Variants in CDC42EP3 observed in about 807,000 individuals in gnomAD.
CDC42EP3 encodes the protein CDC42 effector protein (Rho GTPase binding) 3.
A neutral mutation model predicts 15.5 loss-of-function variants in CDC42EP3; 4 were observed. The ratio of observed to expected loss-of-function variants is 0.26; its 90% CI spans 0.13 to 0.59. The LOEUF is 0.59. Among genes scored for constraint, CDC42EP3 ranks in the 20% least tolerant of loss-of-function variants. The pLI, the probability that CDC42EP3 is intolerant of heterozygous loss-of-function variation, is 0.89. For synonymous variants in CDC42EP3, 145 were observed against 130.3 expected, an observed-to-expected ratio of 1.11 and a Z score of -0.77; for missense variants, 309 against 311.2, an observed-to-expected ratio of 0.99 and a Z score of 0.05.
chr2:37,648,583 G>C (rs6752762), intron 1 of CDC42EP3, among the ~76,000 whole-genome samples: 1 of 151,998 alleles, frequency 6.6e-6, no homozygotes, highest in East Asian at 1.9e-4. Flanking sequence ...AGCCCCACTC[G>C]GGCTTTGGGT....
At chr2:37,665,051 C>T (rs1049528604) in intron 1 of CDC42EP3, among the ~76,000 whole-genome samples, 3 of 151,954 alleles carry the variant, frequency 2.0e-5, no homozygotes, top group African/African-American at 2.4e-5. Context: ...CATGTAGCCC[C>T]GGACCTAAAA....
chr2:37,649,282 C>A (rs111712471), intron 1 of CDC42EP3, among the ~76,000 whole-genome samples: 328 of 151,546 alleles, frequency 2.2e-3, no homozygotes, highest in African/African-American at 7.6e-3. Context: ...GGGACCTCAT[C>A]TCTACAAAAA....
chr2:37,658,973 G>A (rs1388076836), intron 1 of CDC42EP3, among the ~76,000 whole-genome samples: 1 of 152,170 alleles, frequency 6.6e-6, no homozygotes, highest in Non-Finnish European at 1.5e-5. Context: ...AGATAAAATA[G>A]CTTGTGAAGC....
intron 1 of CDC42EP3, among the ~76,000 whole-genome samples, chr2:37,666,215 G>T (rs1331989442): frequency 6.6e-6 from 1 of 152,134 alleles, no homozygotes; most frequent in Non-Finnish European, 1.5e-5. Flanking sequence ...TGTGTTTCCT[G>T]CCAGGCTGGT....
At chr2:37,661,714 C>G (rs767076823) in intron 1 of CDC42EP3, among the ~76,000 whole-genome samples, 1 of 152,076 alleles carries the variant, frequency 6.6e-6, no homozygotes, top group African/African-American at 2.4e-5. Flanking sequence ...AGCCATCTGA[C>G]GGACTCTGGA....
In CDC42EP3 at chr2:37,645,796, C is replaced by A. The variant is rs1473599734; in HGVS notation, c.*27G>T. ...GGTTAGTTTGTTTTTGTACCTTTTA[C>A]CCCAAAGGAAAAAAGTTGGCATCTT... On this transcript the variant is annotated 3_prime_UTR_variant, in exon 2 of 2. Transcript: ENST00000295324. 2.0e-6 allele frequency: 3 copies of A among 1,506,936 alleles called. No homozygotes were observed. The highest frequency in any genetic ancestry group is 4.7e-5 in the Admixed American group (2 of 42,568). 93.3% of individuals were successfully genotyped at this position (1,506,936 alleles called of 1,614,324 possible).
chr2:37,669,365 ACAC>A (rs1177413866), intron 1 of CDC42EP3, among the ~76,000 whole-genome samples: 1 of 152,202 alleles, frequency 6.6e-6, no homozygotes, highest in Non-Finnish European at 1.5e-5. Flanking sequence ...ATAAAACAAA[ACAC>A]CACATTAAAG....
intron 1 of CDC42EP3, among the ~76,000 whole-genome samples, chr2:37,661,406 G>A (rs1172399852): frequency 6.6e-6 from 1 of 152,134 alleles, no homozygotes; most frequent in East Asian, 1.9e-4. Context: ...TAGGGCAAGT[G>A]ACTTGGAAGA....
In CDC42EP3 at chr2:37,646,117, G is replaced by A. The variant is rs150534472; in HGVS notation, c.471C>T (p.Ser157=). Residue 157 remains serine, a synonymous_variant, in exon 2 of 2, where the codon AGC becomes AGT. Coordinates refer to ENST00000295324, the MANE Select transcript of CDC42EP3 (RefSeq NM_006449.5). ...PVMEEKAQEK[S]SLLENGTVHQ... ...GGACTGTCCCATTCTCCAACAGACT[G>A]CTTTTCTCCTGAGCTTTTTCCTCCA... 7 of 1,614,108 alleles carry A rather than the reference G, an allele frequency of 4.3e-6. No individual in the cohort carries two copies. In the African/African-American group the frequency reaches 6.7e-5, roughly 15 times the overall value.
At chr2:37,672,867 C>T (rs1274490793), upstream of CDC42EP3, among the ~76,000 whole-genome samples, 1 of 152,212 alleles carries the variant, frequency 6.6e-6, no homozygotes, top group Admixed American at 6.5e-5. Context: ...AGGTCATCAC[C>T]GCGGTGCCCT....
At chr2:37,662,817 A>G (rs1166177993) in intron 1 of CDC42EP3, among the ~76,000 whole-genome samples, 1 of 152,248 alleles carries the variant, frequency 6.6e-6, no homozygotes, top group Non-Finnish European at 1.5e-5. Context: ...TGCGACATGC[A>G]CAGAGTGAGC....
Position 37,645,765 on chromosome 2 carries a change from A to G in CDC42EP3, c.*58T>C. ...TACAGCTCCGGAAGCCCTTCTCTTC[A>G]ACTGTGGTTAGTTTGTTTTTGTACC... On this transcript the variant is annotated 3_prime_UTR_variant, in exon 2 of 2. Coordinates refer to ENST00000295324, the MANE Select transcript of CDC42EP3 (RefSeq NM_006449.5). The G allele has an allele frequency of 1.5e-6, 2 of 1,363,210 alleles. No individual in the cohort carries two copies. The highest frequency in any genetic ancestry group is 2.0e-6 in the Non-Finnish European group (2 of 1,009,806). 84.4% of individuals were successfully genotyped at this position (1,363,210 alleles called of 1,614,324 possible).
chr2:37,672,585 G>A (rs527801581), upstream of CDC42EP3: 1 of 152,332 alleles, frequency 6.6e-6, no homozygotes, highest in South Asian at 2.1e-4. Flanking sequence ...GCGTGAACCG[G>A]GTTAATGAAT....
chr2:37,669,076 A>G (rs1666327123), intron 1 of CDC42EP3, among the ~76,000 whole-genome samples: 1 of 152,198 alleles, frequency 6.6e-6, no homozygotes, highest in South Asian at 2.1e-4. Context: ...CCTAGATAAA[A>G]TCTGACTGAA....
At chr2:37,647,276 A>C (rs1292640557) in intron 1 of CDC42EP3, 1 of 152,270 alleles carries the variant, frequency 6.6e-6, no homozygotes, top group Non-Finnish European at 1.5e-5. Flanking sequence ...AAGGTGCTGG[A>C]ATTATTTAAT....
In CDC42EP3 at chr2:37,669,346, A is replaced by G. The variant is rs1572530410; in HGVS notation, c.-236+2080T>C. Among the ~76,000 whole-genome samples the G allele has an allele frequency of 3.9e-5, 6 of 152,226 alleles. 1 individual carries two copies. ...TGAAAAAAGCACAGCTTTTGTGAGC[A>G]TGTTGGACATAAAACAAAACACCAC... On this transcript the variant is annotated intron_variant, in intron 1 of 1. Transcript: ENST00000295324.
chr2:37,657,001 C>CCCCCCCCCG (rs1208218676), intron 1 of CDC42EP3, among the ~76,000 whole-genome samples: 6 of 103,264 alleles, frequency 5.8e-5, no homozygotes, highest in Admixed American at 1.2e-4. Context: ...CCCCCCGCCC[C>CCCCCCCCCG]CCGCCATCCT....
chr2:37,657,963 G>C (rs1665932208), intron 1 of CDC42EP3, among the ~76,000 whole-genome samples: 1 of 152,172 alleles, frequency 6.6e-6, no homozygotes, highest in South Asian at 2.1e-4. Flanking sequence ...TGCTCTATCA[G>C]GTCAGAGTTG....
chr2:37,658,499 T>A (rs1665954681), intron 1 of CDC42EP3, among the ~76,000 whole-genome samples: 1 of 152,160 alleles, frequency 6.6e-6, no homozygotes, highest in African/African-American at 2.4e-5. Flanking sequence ...GGCCTTTCCC[T>A]TCCCTTATAT....
Sources: allele counts gnomAD v4.1 joint callset (sites outside exome capture counted in the v4.1 genomes callset), GRCh38; gene constraint gnomAD v4.1.1; transcripts MANE v1.5; gene names NCBI Gene and HGNC (gene_info 2026-07-23, HGNC 2026-07-21).